LIN37: variants seen among roughly 807,000 people sequenced by gnomAD.
LIN37 encodes the protein lin-37 DREAM MuvB core complex component.
In LIN37, 21 loss-of-function variants were observed where a neutral mutation model predicts 38.0. The ratio of observed to expected loss-of-function variants is 0.55; its 90% CI spans 0.39 to 0.80. The LOEUF (loss-of-function observed/expected upper bound fraction) is 0.80, where lower values mean the gene tolerates loss of function less well. Ranked by LOEUF, LIN37 falls within the 30% of genes least tolerant of loss-of-function variation. The probability of loss-of-function intolerance (pLI) is 0.00; values close to 1 mark genes in which losing one functional copy is unlikely to be tolerated. For missense variants in LIN37, 273 were observed against 338.5 expected, an observed-to-expected ratio of 0.81 and a Z score of 1.52; for synonymous variants, 126 against 122.9, an observed-to-expected ratio of 1.03 and a Z score of -0.17.
Position 35,752,904 on chromosome 19 carries a change from C to CAGG in LIN37, c.192-10_192-9insAGG. 1 of 1,581,990 alleles carries CAGG rather than the reference C, an allele frequency of 6.3e-7. No individual in the cohort carries two copies. The highest frequency in any genetic ancestry group is 8.6e-7 in the Non-Finnish European group (1 of 1,164,094). The stretch of plus-strand genomic sequence containing the variant: ...CTACCCCAGTCCTGACACTCCCTCT[C>CAGG]CCTACGCAGGCCATCTGCCCGCTTC... On this transcript the variant is annotated splice_polypyrimidine_tract_variant and intron_variant, in intron 4 of 8. Transcript: ENST00000301159.
At position 35,748,768 on chromosome 19, in the gene LIN37, C is replaced by A; in HGVS notation, c.34+10C>A. ...AAAGTGGAGAAATCAGGTGAGGACC[C>A]TGACGTCGGGGGCCTGTCGGGACCA... On this transcript the variant is annotated intron_variant, in intron 1 of 8. Coordinates refer to ENST00000301159, the MANE Select transcript of LIN37 (RefSeq NM_019104.3). 1 of 1,613,892 alleles carries A rather than the reference C, an allele frequency of 6.2e-7. No individual in the cohort carries two copies. The highest frequency in any genetic ancestry group is 8.5e-7 in the Non-Finnish European group (1 of 1,179,826).
chr19:35,750,109 G>A (rs1332435997), intron 1 of LIN37, among the ~76,000 whole-genome samples: 1 of 152,140 alleles, frequency 6.6e-6, no homozygotes, highest in Admixed American at 6.5e-5. Context: ...GAGGAGGTGG[G>A]TGGGAGAGAC....
At position 35,752,271 on chromosome 19, in the gene LIN37, CAG is replaced by C; in HGVS notation, c.110+21_110+22del. ...GGACAGGTAGGCCAGCGTGGGGTCA[CAG>C]GGCCGGGCACCCTGGTGGGTTGGGC... is the stretch of plus-strand genomic sequence containing the variant. On this transcript the variant is annotated intron_variant, in intron 2 of 8. Coordinates refer to ENST00000301159, the MANE Select transcript of LIN37 (RefSeq NM_019104.3). 2.5e-6 allele frequency: 4 copies of C among 1,597,860 alleles called. No homozygotes were observed. Among genetic ancestry groups the C allele is most frequent in the Non-Finnish European group, 3.4e-6 (4 of 1,171,548 alleles).
intron 1 of LIN37, chr19:35,749,081 C>CG (rs1970644453): frequency 2.4e-6 from 2 of 827,246 alleles, no homozygotes; most frequent in African/African-American, 3.7e-5. Context: ...TAAATAGAGA[C>CG]GGAGTATCGC....
At chr19:35,752,649 C>A in intron 3 of LIN37, 155 bp from the exon 4 acceptor site, 1 of 1,271,266 alleles carries the variant, frequency 7.9e-7, no homozygotes, top group Non-Finnish European at 1.1e-6. Flanking sequence ...CCCGTGGTTG[C>A]CACCTAGACC....
rs1286350543 is a variant in LIN37, at chr19:35,753,068, C to G, written c.278-19C>G. The G allele has an allele frequency of 1.3e-6, 2 of 1,599,736 alleles. No individual in the cohort carries two copies. The highest frequency in any genetic ancestry group is 1.7e-6 in the Non-Finnish European group (2 of 1,173,084). ...CCTATGCAAGGATGCTCACACACCT[C>G]CCATCCCCACCTTCCCAGACACATA... On this transcript the variant is annotated intron_variant, in intron 5 of 8. Transcript: ENST00000301159.
In LIN37 at chr19:35,754,144, C is replaced by A. The variant is rs748817066; in HGVS notation, c.572C>A (p.Thr191Asn). 5.6e-6 allele frequency: 9 copies of A among 1,613,994 alleles called. No individual in the cohort carries two copies. Among genetic ancestry groups the A allele is most frequent in the African/African-American group, 1.3e-5 (1 of 75,056 alleles). ...CCACTGCAGCCTGAGATGCAGGGCA[C>A]CCCTGACGATGAGGTGAGTATGCCA... ...PSPLQPEMQG[T>N]PDDEPSEPEP... Residue 191 changes from threonine (T) to asparagine (N), a missense_variant, in exon 7 of 9, where the codon ACC becomes AAC. Physicochemically the swap from Thr to Asn is moderately conservative, Grantham distance 65 (BLOSUM62 0). Transcript: ENST00000301159.
rs1339381938 is a variant in LIN37, at chr19:35,752,832, A to G, written c.190A>G (p.Arg64Gly). 1 of 1,607,942 alleles carries G rather than the reference A, an allele frequency of 6.2e-7. No individual in the cohort carries two copies. The highest frequency in any genetic ancestry group is 1.1e-5 in the South Asian group (1 of 89,878). The part of the protein sequence containing the change: ...KDCSIAATGK[R>G]PSARFPHQRR... The stretch of plus-strand genomic sequence containing the variant: ...CTGCTCCATCGCAGCCACTGGCAAA[A>G]GGTAAGGTGGCAGGGTCCCAGCCAG... The change falls in exon 4 of 9, where the codon AGG becomes GGG. Residue 64 changes from arginine to glycine, a missense_variant and splice_region_variant. Coordinates refer to ENST00000301159, the MANE Select transcript of LIN37 (RefSeq NM_019104.3).
At chr19:35,753,726 G>C (rs1723747256) in intron 6 of LIN37, 2 of 547,594 alleles carry the variant, frequency 3.7e-6, no homozygotes, top group East Asian at 6.3e-5. Flanking sequence ...AGGTGGCACA[G>C]ACGTGACCCC....
At chr19:35,752,752 T>C in intron 3 of LIN37, 52 bp from the exon 4 acceptor site, 1 of 1,596,014 alleles carries the variant, frequency 6.3e-7, no homozygotes. Flanking sequence ...GGGTGCCCTC[T>C]GCAGGGTTTT....
intron 1 of LIN37, among the ~76,000 whole-genome samples, chr19:35,750,428 T>C (rs1168887582): frequency 6.6e-6 from 1 of 152,222 alleles, no homozygotes; most frequent in Non-Finnish European, 1.5e-5. Flanking sequence ...AGGAAGTCCC[T>C]GGACTGGTCA....
intron 2 of LIN37, 23 bp from the exon 3 acceptor site, chr19:35,752,411 T>C (rs1412995220): frequency 6.2e-7 from 1 of 1,613,716 alleles, no homozygotes; most frequent in South Asian, 1.1e-5. Flanking sequence ...AACCCTGAGC[T>C]GAGAGATCTC....
In LIN37 at chr19:35,748,670, C is replaced by CCCTA; in HGVS notation, c.-54_-51dup. The CCCTA allele has an allele frequency of 6.2e-7, 1 of 1,611,700 alleles. No individual in the cohort carries two copies. The highest frequency in any genetic ancestry group is 2.2e-5 in the East Asian group (1 of 44,864). Reference sequence around the variant, plus strand: ...CGCCTTCTCCCGCCTTGACTTGTGACCCTAGGCCCTTTGGGGCGCCTCTGA... The same window carrying CCCTA: ...CGCCTTCTCCCGCCTTGACTTGTGACCCTACCTAGGCCCTTTGGGGCGCCTCTGA... On this transcript the variant is annotated 5_prime_UTR_variant, in exon 1 of 9. Transcript: ENST00000301159.
intron 3 of LIN37, 158 bp downstream of exon 3, chr19:35,752,642 G>C: frequency 8.0e-7 from 1 of 1,257,010 alleles, no homozygotes; most frequent in Non-Finnish European, 1.1e-6. Context: ...AGGTCCCCCC[G>C]TGGTTGCCAC....
intron 1 of LIN37, chr19:35,749,050 A>G (rs758722513): frequency 3.6e-5 from 38 of 1,065,264 alleles, no homozygotes; most frequent in Non-Finnish European, 4.2e-5. Flanking sequence ...TCTTTTTTTT[A>G]ATTTAAATTT....
chr19:35,750,652 G>A (rs1970669166), intron 1 of LIN37, among the ~76,000 whole-genome samples: 1 of 152,020 alleles, frequency 6.6e-6, no homozygotes, highest in South Asian at 2.1e-4. Context: ...AGCCCAAACA[G>A]GATGTTTTAG....
In LIN37 at chr19:35,752,171, C is replaced by T; in HGVS notation, c.35-5C>T. ...TGACTCCTGCTGGGTCCTCTCTTGC[C>T]CCAGAGCTGGAGATGGCCAAAGCCC... On this transcript the variant is annotated splice_region_variant and splice_polypyrimidine_tract_variant and intron_variant, in intron 1 of 8. Transcript: ENST00000301159. The T allele has an allele frequency of 6.3e-7, 1 of 1,592,768 alleles. No individual in the cohort carries two copies. The highest frequency in any genetic ancestry group is 8.5e-7 in the Non-Finnish European group (1 of 1,169,962).
At position 35,754,307 on chromosome 19, in the gene LIN37, G is replaced by C. The variant is rs754704937; in HGVS notation, c.647G>C (p.Arg216Pro). The stretch of plus-strand genomic sequence containing the variant: ...TATCGCAACATGCAGCGCTGGAAAC[G>C]CATCCGCCAGAGGTGAGCGTCCCCC... Reference protein sequence around the residue: ...LIYRNMQRWKRIRQRWKEASH... With the variant: ...LIYRNMQRWKPIRQRWKEASH... The change falls in exon 8 of 9, where the codon CGC (arginine) becomes CCC (proline). Residue 216 changes from arginine (R) to proline (P), a missense_variant. Coordinates refer to ENST00000301159, the MANE Select transcript of LIN37 (RefSeq NM_019104.3). 1.7e-5 allele frequency: 27 copies of C among 1,614,024 alleles called. No homozygotes were observed. The highest frequency in any genetic ancestry group is 2.3e-5 in the Non-Finnish European group (27 of 1,179,894).
chr19:35,750,675 A>C (rs941311006), intron 1 of LIN37, among the ~76,000 whole-genome samples: 13 of 142,756 alleles, frequency 9.1e-5, no homozygotes, highest in African/African-American at 3.2e-4. Context: ...GAAATCTCCC[A>C]ATTTTGGCTG....
Sources: allele counts gnomAD v4.1 joint callset (sites outside exome capture counted in the v4.1 genomes callset), GRCh38; gene constraint gnomAD v4.1.1; transcripts MANE v1.5; gene names NCBI Gene and HGNC (gene_info 2026-07-23, HGNC 2026-07-21).